The following KLHL20 variants were observed in gnomAD, a reference collection of about 807,000 sequenced individuals.
KLHL20 encodes the protein kelch like family member 20, also known as kelch-like protein 20.
In KLHL20, 29 loss-of-function variants were observed where a neutral mutation model predicts 69.5. That is an observed-to-expected ratio of 0.42 (90% confidence interval 0.31 to 0.57). The LOEUF (loss-of-function observed/expected upper bound fraction) is 0.57. Among genes scored for constraint, KLHL20 ranks in the 20% least tolerant of loss-of-function variants. The pLI is 0.18. For synonymous variants in KLHL20, 253 were observed against 265.2 expected (o/e 0.95, Z 0.45); for missense variants, 419 against 776.0 (o/e 0.54, Z 5.47).
chr1:173,747,544 T>C lies in KLHL20; in HGVS notation c.598-4220T>C, dbSNP rs61826820. Among the ~76,000 whole-genome samples, 185 of 152,156 alleles carry C rather than the reference T, an allele frequency of 1.2e-3. 1 individual carries two copies. Among genetic ancestry groups the C allele is most frequent in the Non-Finnish European group, 2.2e-3 (150 of 67,882 alleles). The stretch of plus-strand genomic sequence containing the variant: ...TTTAGCCTGTTCAAAATATGATGTT[T>C]TAAGTAATTTTCTTGAATTAGTGTG... On this transcript the variant is annotated intron_variant, in intron 3 of 11. Transcript: ENST00000209884.
chr1:173,733,572 A>T, intron 2 of KLHL20, 141 bp from the exon 3 acceptor site: 1 of 708,252 alleles, frequency 1.4e-6, no homozygotes, highest in Non-Finnish European at 2.3e-6. Context: ...ACACAGTGAG[A>T]CATCATCTCT....
At position 173,734,108 on chromosome 1, in the gene KLHL20, C is replaced by T. The variant is rs373803546; in HGVS notation, c.419C>T (p.Thr140Ile). 1.2e-6 allele frequency: 2 copies of T among 1,614,254 alleles called. No individual in the cohort carries two copies. The highest frequency in any genetic ancestry group is 1.1e-5 in the South Asian group (1 of 91,086). The part of the protein sequence containing the change: ...QITVEEGNVQ[T>I]LLPAACLLQL... Reference sequence around the variant, plus strand: ...ACAGTAGAAGAGGGCAATGTTCAGACTCTTCTGCCAGCTGCTTGCCTCCTC... The same window carrying T: ...ACAGTAGAAGAGGGCAATGTTCAGATTCTTCTGCCAGCTGCTTGCCTCCTC... The change falls in exon 3 of 12, where the codon ACT (threonine) becomes ATT (isoleucine). Residue 140 changes from threonine (T) to isoleucine (I), a missense_variant. Physicochemically the swap from Thr to Ile is moderately conservative, Grantham distance 89. Coordinates refer to ENST00000209884, the MANE Select transcript of KLHL20 (RefSeq NM_014458.4).
intron 3 of KLHL20, among the ~76,000 whole-genome samples, chr1:173,739,646 C>CT (rs60793132): frequency 6.2e-4 from 56 of 89,898 alleles, no homozygotes; most frequent in Middle Eastern, 6.3e-3. Flanking sequence ...TAATATCTCC[C>CT]TTTTTTTTTT....
At chr1:173,728,211 C>T (rs1017516958) in intron 2 of KLHL20, among the ~76,000 whole-genome samples, 1 of 152,188 alleles carries the variant, frequency 6.6e-6, no homozygotes, top group African/African-American at 2.4e-5. Flanking sequence ...AATATATATG[C>T]ACCCAATACA....
At chr1:173,727,218 C>T (rs913369246) in intron 2 of KLHL20, among the ~76,000 whole-genome samples, 51 of 149,794 alleles carry the variant, frequency 3.4e-4, no homozygotes, top group African/African-American at 9.1e-4. Flanking sequence ...AAAAAAAAAA[C>T]GAGCAAAGCC....
intron 2 of KLHL20, among the ~76,000 whole-genome samples, chr1:173,731,238 G>A (rs1165427341): frequency 1.3e-5 from 2 of 152,196 alleles, no homozygotes; most frequent in Non-Finnish European, 2.9e-5. Flanking sequence ...AGAGGATGTG[G>A]AGAAATAGAA....
chr1:173,734,316 C>A, intron 3 of KLHL20, 30 bp downstream of exon 3: 3 of 1,594,722 alleles, frequency 1.9e-6, no homozygotes, highest in South Asian at 1.1e-5. Context: ...CCAATGCACC[C>A]ATTTGTTGGA....
intron 5 of KLHL20, among the ~76,000 whole-genome samples, chr1:173,755,312 C>T (rs746453774): frequency 1.1e-4 from 17 of 152,118 alleles, no homozygotes; most frequent in Admixed American, 1.1e-3. Context: ...CGCCCCTCAG[C>T]CTCCCAAAGT....
chr1:173,774,049 A>T (rs1044244179), intron 8 of KLHL20, among the ~76,000 whole-genome samples: 2 of 151,274 alleles, frequency 1.3e-5, no homozygotes, highest in Non-Finnish European at 2.9e-5. Flanking sequence ...AGCCTGTGTT[A>T]TGTGAGCTGA....
intron 3 of KLHL20, among the ~76,000 whole-genome samples, chr1:173,737,578 A>G (rs1411772365): frequency 1.3e-5 from 2 of 152,178 alleles, no homozygotes; most frequent in Non-Finnish European, 2.9e-5. Flanking sequence ...CCATTGGTCT[A>G]TGTACCTATT....
chr1:173,734,600 G>A, intron 3 of KLHL20: 1 of 283,516 alleles, frequency 3.5e-6, no homozygotes, highest in Non-Finnish European at 6.7e-6. Flanking sequence ...TAGGATACCT[G>A]GTATCATGAT....
intron 2 of KLHL20, among the ~76,000 whole-genome samples, chr1:173,728,120 T>G (rs1672068985): frequency 6.6e-6 from 1 of 152,256 alleles, no homozygotes; most frequent in East Asian, 1.9e-4. Flanking sequence ...AAACAGACTT[T>G]AAACCAACAA....
intron 8 of KLHL20, among the ~76,000 whole-genome samples, chr1:173,772,808 G>A (rs1381425317): frequency 6.6e-6 from 1 of 152,112 alleles, no homozygotes. Flanking sequence ...CTACCAATTT[G>A]CCCAACATAA....
At chr1:173,737,018 A>G (rs550506541) in intron 3 of KLHL20, among the ~76,000 whole-genome samples, 2 of 152,254 alleles carry the variant, frequency 1.3e-5, no homozygotes, top group African/African-American at 2.4e-5. Context: ...GGCCATTTGT[A>G]TATCTTCTTT....
At chr1:173,717,154 T>C (rs1671503489) in intron 2 of KLHL20, among the ~76,000 whole-genome samples, 1 of 152,218 alleles carries the variant, frequency 6.6e-6, no homozygotes, top group South Asian at 2.1e-4. Context: ...ACTTCTAACA[T>C]TATTGCAAAA....
chr1:173,762,916 A>AC (rs1271183463), intron 7 of KLHL20, among the ~76,000 whole-genome samples: 41 of 149,454 alleles, frequency 2.7e-4, no homozygotes, highest in Non-Finnish European at 3.7e-4. Flanking sequence ...CATCCAAATC[A>AC]GTAAAGAGGA....
At chr1:173,773,051 A>T (rs906724008) in intron 8 of KLHL20, among the ~76,000 whole-genome samples, 3 of 152,144 alleles carry the variant, frequency 2.0e-5, no homozygotes, top group Non-Finnish European at 4.4e-5. Flanking sequence ...ATAATAGCTC[A>T]CAACTGTCTC....
At chr1:173,734,785 T>G (rs1177861812) in intron 3 of KLHL20, among the ~76,000 whole-genome samples, 1 of 152,222 alleles carries the variant, frequency 6.6e-6, no homozygotes, top group Non-Finnish European at 1.5e-5. Flanking sequence ...CTACTATGTT[T>G]CAGCCACTGT....
chr1:173,737,921 T>C (rs1672610661), intron 3 of KLHL20, among the ~76,000 whole-genome samples: 2 of 152,048 alleles, frequency 1.3e-5, no homozygotes, highest in African/African-American at 2.4e-5. Flanking sequence ...TTCACTTCTG[T>C]AGTGAGATAT....
Sources: allele counts gnomAD v4.1 joint callset (sites outside exome capture counted in the v4.1 genomes callset), GRCh38; gene constraint gnomAD v4.1.1; transcripts MANE v1.5; gene names NCBI Gene and HGNC (gene_info 2026-07-23, HGNC 2026-07-21).